KPTN: variants seen among roughly 807,000 people sequenced by gnomAD.
The protein encoded by KPTN is kaptin, actin binding protein, also known as KICSTOR complex protein kaptin.
Under a neutral mutation model 52.6 loss-of-function variants are expected in KPTN, and 36 were observed. The observed-to-expected ratio is 0.68, with a 90% CI of 0.52 to 0.90. The LOEUF (loss-of-function observed/expected upper bound fraction) is 0.90, where lower values mean the gene tolerates loss of function less well. Ranked by LOEUF, KPTN falls within the 40% of genes least tolerant of loss-of-function variation. KPTN has a pLI of 0.00. For missense variants in KPTN, 529 were observed against 576.2 expected (o/e 0.92, Z 0.84); for synonymous variants, 271 against 248.4 (o/e 1.09, Z -0.85).
chr19:47,480,501 C>A, intron 6 of KPTN, 94 bp from the exon 7 acceptor site: 1 of 899,854 alleles, frequency 1.1e-6, no homozygotes. Flanking sequence ...TCCCTGTAGC[C>A]CTGGGACCCT....
At chr19:47,482,515 A>G (rs1278274190) in intron 4 of KPTN, among the ~76,000 whole-genome samples, 2 of 151,672 alleles carry the variant, frequency 1.3e-5, no homozygotes, top group African/African-American at 2.4e-5. Context: ...AAAAAGTGCA[A>G]TGCTTTAAAA....
At chr19:47,479,988 C>G in intron 7 of KPTN, 48 bp from the exon 8 acceptor site, 1 of 1,478,952 alleles carries the variant, frequency 6.8e-7, no homozygotes, top group Non-Finnish European at 9.3e-7. Flanking sequence ...CCCGGTCCCG[C>G]CCGCAGCCCT....
chr19:47,479,670 A>C lies in KPTN; in HGVS notation c.787+193T>G, dbSNP rs1967795967. On this transcript the variant is annotated intron_variant, in intron 8 of 11. Coordinates refer to ENST00000338134, the MANE Select transcript of KPTN (RefSeq NM_007059.4). ...CCCCATGTGCCAGTCCTGGAAGTTA[A>C]ATTCACAAGAGGGGAGGGGAGGGAA... Among the ~76,000 whole-genome samples, 4 of 152,096 alleles carry C rather than the reference A, an allele frequency of 2.6e-5. No individual in the cohort carries two copies. In the South Asian group the frequency reaches 8.3e-4, roughly 32 times the overall value.
At position 47,481,023 on chromosome 19, in the gene KPTN, C is replaced by T. The variant is rs377316863; in HGVS notation, c.460G>A (p.Gly154Arg). The change falls in exon 5 of 12, where the codon GGG becomes AGG. Residue 154 changes from glycine to arginine, a missense_variant. Transcript: ENST00000338134. Reference sequence around the variant, plus strand: ...AGAAACACAGTCTCAAGTTGATCCCCGACCTGGACCCTGAAAGCAGAGAAA... The same window carrying T: ...AGAAACACAGTCTCAAGTTGATCCCTGACCTGGACCCTGAAAGCAGAGAAA... The part of the protein sequence containing the change: ...FQLCHAEVQV[G>R]DQLETVFLLS... 157 of 1,581,950 alleles carry T rather than the reference C, an allele frequency of 9.9e-5. No homozygotes were observed. The highest frequency in any genetic ancestry group is 1.2e-4 in the Non-Finnish European group (143 of 1,162,732).
At chr19:47,475,671 C>T in intron 11 of KPTN, 127 bp from the exon 12 acceptor site, 6 of 1,111,896 alleles carry the variant, frequency 5.4e-6, no homozygotes, top group Non-Finnish European at 7.8e-6. Context: ...AGAGAGCAGA[C>T]CACAGTGTGT....
intron 7 of KPTN, 35 bp downstream of exon 7, chr19:47,480,263 C>T: frequency 1.4e-6 from 1 of 701,154 alleles, no homozygotes; most frequent in Non-Finnish European, 2.3e-6. Context: ...TAGCCCTCAA[C>T]CCCACCCCTT....
At chr19:47,484,386 C>T, upstream of KPTN, 1 of 589,962 alleles carries the variant, frequency 1.7e-6, no homozygotes. Flanking sequence ...CTTTCCATTT[C>T]TGGACCAAGG....
rs910775070 is a variant in KPTN, at chr19:47,475,248, T to C, written c.*168A>G. 22 of 619,542 alleles carry C rather than the reference T, an allele frequency of 3.6e-5. No homozygotes were observed. Among genetic ancestry groups the C allele is most frequent in the Middle Eastern group, 4.6e-4 (1 of 2,158 alleles). 38.4% of individuals were successfully genotyped at this position (619,542 alleles called of 1,614,324 possible). On this transcript the variant is annotated 3_prime_UTR_variant, in exon 12 of 12. Transcript: ENST00000338134. ...TCATCCCTGCTTTCAAATAGGGACA[T>C]TGACGTACAGAGAGAGGAGTGGGTT...
chr19:47,483,817 C>T, intron 1 of KPTN, 118 bp downstream of exon 1: 3 of 1,410,616 alleles, frequency 2.1e-6, no homozygotes, highest in Non-Finnish European at 2.9e-6. Context: ...CCAGTGACCC[C>T]CTTAAAACCA....
intron 6 of KPTN, 64 bp downstream of exon 6, chr19:47,480,669 CCCGGTGACCAATTTCTCTAAGGTCTCA>C: frequency 8.3e-7 from 1 of 1,202,628 alleles, no homozygotes; most frequent in Admixed American, 1.7e-5. Context: ...TGAGCTCCTC[CCCGGTGACCAATTTCTCTAAGGTCTCA>C]CCGCCCGATT....
upstream of KPTN, chr19:47,484,365 GCT>G: frequency 1.6e-6 from 1 of 612,292 alleles, no homozygotes; most frequent in Non-Finnish European, 2.8e-6. Flanking sequence ...CTGCGCCCGC[GCT>G]CTCTTCTCCT....
At position 47,475,507 on chromosome 19, in the gene KPTN, C is replaced by T. The variant is rs372869285; in HGVS notation, c.1220G>A (p.Arg407Gln). The T allele has an allele frequency of 1.8e-5, 29 of 1,613,152 alleles. No homozygotes were observed. Among genetic ancestry groups the T allele is most frequent in the Non-Finnish European group, 2.2e-5 (26 of 1,179,392 alleles). ...LIQASELVLT[R>Q]LRHQVEQRRR... is the part of the protein sequence containing the mutation. ...CCTCTGCTCCACTTGATGTCGAAGC[C>T]GGGTCAAGACCAGCTCTGAGGCCTG... The change falls in exon 12 of 12, where the codon CGG becomes CAG. Residue 407 changes from arginine to glutamine, a missense_variant. By Grantham distance (43) the Arg-to-Gln change is conservative. Coordinates refer to ENST00000338134, the MANE Select transcript of KPTN (RefSeq NM_007059.4).
At chr19:47,482,480 CAAAAAAAAAAAAAAAGAAAGA>C (rs1488075634) in intron 4 of KPTN, among the ~76,000 whole-genome samples, 1 of 70,162 alleles carries the variant, frequency 1.4e-5, no homozygotes, top group Admixed American at 1.6e-4. Flanking sequence ...GCATCTATCT[CAAAAAAAAAAAAAAAGAAAGA>C]AAAAAAAAGT....
Position 47,475,154 on chromosome 19 carries a change from G to T in KPTN, c.*262C>A. ...AGAATCGAGACAACTGGGAAATGAT[G>T]TTCTTCTGGACGTATAAATAACCAT... On this transcript the variant is annotated 3_prime_UTR_variant, in exon 12 of 12. Transcript: ENST00000338134. The T allele has an allele frequency of 3.1e-6, 1 of 319,146 alleles. No individual in the cohort carries two copies. The highest frequency in any genetic ancestry group is 6.5e-5 in the East Asian group (1 of 15,386). The allele number at this position is 319,146 out of a possible 1,614,324, so 19.8% of individuals were successfully genotyped here.
In KPTN at chr19:47,479,939, C is replaced by T. The variant is rs759159595; in HGVS notation, c.711G>A (p.Glu237=). 6.2e-7 allele frequency: 1 copy of T among 1,612,190 alleles called. No homozygotes were observed. Among genetic ancestry groups the T allele is most frequent in the South Asian group, 1.1e-5 (1 of 90,876 alleles). Residue 237 remains glutamate, a splice_region_variant and synonymous_variant, in exon 8 of 12, where the codon GAG becomes GAA. Coordinates refer to ENST00000338134, the MANE Select transcript of KPTN (RefSeq NM_007059.4). ...RVAHVDQRSR[E]VLQMWSVLQD... is the part of the protein sequence containing the mutation. ...GCAGGACCGACCACATCTGCAGAAC[C>T]TCTGCGTGGAGAGCGAGGATTCAGA...
chr19:47,484,424 G>A (rs980758202), upstream of KPTN: 9 of 544,298 alleles, frequency 1.7e-5, no homozygotes, highest in Non-Finnish European at 2.9e-5. Flanking sequence ...TGTGACTAGA[G>A]ATGGGAGGTG....
At chr19:47,477,073 T>C in intron 9 of KPTN, 135 bp from the exon 10 acceptor site, 2 of 880,530 alleles carry the variant, frequency 2.3e-6, no homozygotes, top group Non-Finnish European at 3.4e-6. Context: ...AGCCTAGACA[T>C]CATCATCTCA....
chr19:47,482,876 T>G (rs1284412762), intron 4 of KPTN, among the ~76,000 whole-genome samples: 2 of 152,094 alleles, frequency 1.3e-5, no homozygotes, highest in African/African-American at 4.8e-5. Flanking sequence ...CCAGCTAATT[T>G]TTGTATTTTT....
At chr19:47,476,455 C>T (rs1967667838) in intron 11 of KPTN, 77 bp downstream of exon 11, 1 of 1,284,420 alleles carries the variant, frequency 7.8e-7, no homozygotes, top group East Asian at 2.5e-5. Context: ...GTTCCTCCCT[C>T]CCCCAGGAGG....
Sources: allele counts gnomAD v4.1 joint callset (sites outside exome capture counted in the v4.1 genomes callset), GRCh38; gene constraint gnomAD v4.1.1; transcripts MANE v1.5; gene names NCBI Gene and HGNC (gene_info 2026-07-23, HGNC 2026-07-21).